The following DSE variants were observed in gnomAD, a reference collection of about 807,000 sequenced individuals.
DSE encodes dermatan sulfate epimerase, also known as dermatan-sulfate epimerase.
In DSE, 36 loss-of-function variants were observed where a neutral mutation model predicts 84.4. The ratio of observed to expected loss-of-function variants is 0.43; its 90% CI spans 0.33 to 0.56. The LOEUF is 0.56. Ranked by LOEUF, DSE falls within the 20% of genes least tolerant of loss-of-function variation. The pLI is 0.06. For synonymous variants in DSE, 410 were observed against 430.1 expected (o/e 0.95, Z 0.58); for missense variants, 862 against 1,169.6 (o/e 0.74, Z 3.84).
At chr6:116,430,142 T>C (rs1443249694) in intron 3 of DSE, among the ~76,000 whole-genome samples, 1 of 152,206 alleles carries the variant, frequency 6.6e-6, no homozygotes, top group East Asian at 1.9e-4. Flanking sequence ...TTTTGGCAGA[T>C]TCAGGATTCC....
chr6:116,417,649 T>C (rs1263672525), intron 2 of DSE, among the ~76,000 whole-genome samples: 1 of 152,170 alleles, frequency 6.6e-6, no homozygotes. Flanking sequence ...TATAGAAATA[T>C]AGATTGTAAG....
At chr6:116,428,844 G>C (rs140613638) in intron 3 of DSE, among the ~76,000 whole-genome samples, 398 of 152,166 alleles carry the variant, frequency 2.6e-3, no homozygotes, top group Non-Finnish European at 3.5e-3. Flanking sequence ...AGAACTTAAG[G>C]GGAAATTAAA....
intron 1 of DSE, chr6:116,255,991 C>T (rs1020292084): frequency 6.6e-6 from 1 of 152,214 alleles, no homozygotes; most frequent in African/African-American, 2.4e-5. Flanking sequence ...CACTCATAAC[C>T]ACCTGGCCAT....
upstream of DSE, among the ~76,000 whole-genome samples, chr6:116,365,475 G>C (rs980957118): frequency 2.0e-5 from 3 of 151,504 alleles, no homozygotes; most frequent in African/African-American, 7.3e-5. Flanking sequence ...GGATGGTCTC[G>C]ATCTCCTGAC....
chr6:116,339,359 AAGT>A (rs140967179), intron 2 of DSE, among the ~76,000 whole-genome samples: 166 of 152,080 alleles, frequency 1.1e-3, no homozygotes, highest in African/African-American at 3.8e-3. Context: ...GAATTGAAAA[AAGT>A]AGCCAATTTT....
chr6:116,326,448 C>T (rs554191948), intron 2 of DSE, among the ~76,000 whole-genome samples: 1 of 152,286 alleles, frequency 6.6e-6, no homozygotes, highest in East Asian at 1.9e-4. Context: ...TGCCAGTTCA[C>T]CTCCTTAGGG....
intron 2 of DSE, among the ~76,000 whole-genome samples, chr6:116,364,743 A>G (rs938704334): frequency 9.9e-5 from 15 of 152,192 alleles, no homozygotes; most frequent in Admixed American, 1.3e-4. Context: ...AATATTTTAT[A>G]TAATTAATAA....
At chr6:116,420,458 C>T (rs555261787) in intron 2 of DSE, among the ~76,000 whole-genome samples, 47 of 152,314 alleles carry the variant, frequency 3.1e-4, no homozygotes, top group African/African-American at 1.1e-3. Flanking sequence ...GCCTTATCCC[C>T]ACACCATACA....
At chr6:116,427,263 C>T (rs1157160858) in intron 3 of DSE, among the ~76,000 whole-genome samples, 1 of 152,138 alleles carries the variant, frequency 6.6e-6, no homozygotes, top group Non-Finnish European at 1.5e-5. Flanking sequence ...TTAAAACAAC[C>T]AAACTGGATT....
upstream of DSE, chr6:116,370,822 C>T: frequency 2.0e-6 from 2 of 985,488 alleles, no homozygotes; most frequent in Non-Finnish European, 2.4e-6. Flanking sequence ...TCTCCTCATC[C>T]TCGTCTCCTC....
At chr6:116,401,737 T>G in intron 2 of DSE, among the ~76,000 whole-genome samples, 1 of 152,158 alleles carries the variant, frequency 6.6e-6, no homozygotes, top group Non-Finnish European at 1.5e-5. Context: ...GTTCAGTGAT[T>G]TTACAGTTCA....
At chr6:116,297,765 T>C (rs1358746033) in intron 2 of DSE, among the ~76,000 whole-genome samples, 1 of 152,250 alleles carries the variant, frequency 6.6e-6, no homozygotes, top group Non-Finnish European at 1.5e-5. Flanking sequence ...AGAGGTGGCA[T>C]TTCTCTAGCA....
chr6:116,332,444 G>GA (rs989299427), intron 2 of DSE, among the ~76,000 whole-genome samples: 5 of 150,382 alleles, frequency 3.3e-5, no homozygotes, highest in East Asian at 3.9e-4. Flanking sequence ...TTTAAAATAT[G>GA]AAAAAAAAAT....
At chr6:116,369,310 T>C (rs1012887475), upstream of DSE, among the ~76,000 whole-genome samples, 1 of 152,224 alleles carries the variant, frequency 6.6e-6, no homozygotes, top group African/African-American at 2.4e-5. Context: ...CTAAAGTCTC[T>C]TTCAAATTTG....
intron 1 of DSE, chr6:116,256,821 T>G (rs191687283): frequency 1.3e-5 from 2 of 152,350 alleles, no homozygotes; most frequent in Admixed American, 6.5e-5. Context: ...TTTTACATTT[T>G]TTGCACATTA....
rs778735094 is a variant in DSE at position 116,399,266 on chromosome 6, C to G, written c.16C>G (p.Arg6Gly). 3.1e-6 allele frequency: 5 copies of G among 1,613,880 alleles called. No individual in the cohort carries two copies. Among genetic ancestry groups the G allele is most frequent in the Non-Finnish European group, 4.2e-6 (5 of 1,180,032 alleles). Residue 6 changes from arginine (R) to glycine (G), a missense_variant, in exon 2 of 6, where the codon CGG becomes GGG. Around this residue, in one of 4 missense-constraint regions of DSE, gnomAD observed 52 missense variants for 49.6 expected, o/e 1.05. Transcript: ENST00000644252. ...TGATGCCACGATGAGGACTCACACA[C>G]GGGGGGCTCCCAGTGTGTTTTTCAT... MRTHTRGAPSVFFIYL... is the reference protein window; with the variant it reads MRTHTGGAPSVFFIYL...
chr6:116,441,947 A>G lies in DSE; in HGVS notation c.*4602A>G, dbSNP rs1412920817. The G allele has an allele frequency of 6.6e-6, 1 of 152,266 alleles. No homozygotes were observed. The highest frequency in any genetic ancestry group is 1.5e-5 in the Non-Finnish European group (1 of 68,040). 9.4% of individuals were successfully genotyped at this position (152,266 alleles called of 1,614,324 possible). On this transcript the variant is annotated 3_prime_UTR_variant, in exon 6 of 6. Transcript: ENST00000644252. The stretch of plus-strand genomic sequence containing the variant: ...TTATGTTCTAGTGGGAGCAAATAAT[A>G]ACAGTAATAGTGCAGGATGTCAAGT...
intron 2 of DSE, among the ~76,000 whole-genome samples, chr6:116,313,838 A>G (rs1775827344): frequency 6.6e-6 from 1 of 152,180 alleles, no homozygotes; most frequent in South Asian, 2.1e-4. Flanking sequence ...TCATATTGTC[A>G]TTTATTATGC....
At chr6:116,371,701 A>G (rs1244080722) in intron 1 of DSE, among the ~76,000 whole-genome samples, 1 of 152,146 alleles carries the variant, frequency 6.6e-6, no homozygotes, top group Admixed American at 6.5e-5. Context: ...CTCCGCCGGC[A>G]CTCGGAGAAA....
Sources: gnomAD v4.1 joint callset for allele counts (sites outside exome capture counted in the v4.1 genomes callset) on GRCh38, gnomAD v4.1.1 for gene constraint, gnomAD v4.1.1 regional missense constraint, MANE v1.5 for transcripts, NCBI Gene and HGNC (gene_info 2026-07-23, HGNC 2026-07-21) for gene names.